NEMF: variants seen among roughly 807,000 people sequenced by gnomAD.
NEMF encodes nuclear export mediator factor, also known as ribosome quality control complex subunit NEMF.
In NEMF, 89 loss-of-function variants were observed where a neutral mutation model predicts 162.2. The ratio of observed to expected loss-of-function variants is 0.55; its 90% CI spans 0.46 to 0.65. The LOEUF is 0.65. NEMF is among the 30% of genes least tolerant of loss of function. The pLI, the probability that NEMF is intolerant of heterozygous loss-of-function variation, is 0.00. For missense variants in NEMF, 1,133 were observed against 1,261.9 expected, an observed-to-expected ratio of 0.90 and a Z score of 1.55; for synonymous variants, 421 against 404.5, an observed-to-expected ratio of 1.04 and a Z score of -0.49.
intron 4 of NEMF, 42 bp downstream of exon 4, chr14:49,846,098 A>G (rs770918433): frequency 1.9e-6 from 3 of 1,576,302 alleles, no homozygotes; most frequent in South Asian, 1.1e-5. Flanking sequence ...AAAATGATTA[A>G]TAAGAAATTT....
intron 4 of NEMF, among the ~76,000 whole-genome samples, chr14:49,843,004 C>CA (rs980191044): frequency 1.3e-5 from 2 of 148,674 alleles, no homozygotes; most frequent in East Asian, 2.0e-4. Flanking sequence ...GACTTATTCT[C>CA]AAAAAAAATT....
In NEMF at chr14:49,829,329, G is replaced by A. The variant is rs1352807842; in HGVS notation, c.1023+20C>T. ...AAGTTAACATTTTTGAAAAAGCACT[G>A]AGAAAGCCAAACATAATACCTGAGC... On this transcript the variant is annotated intron_variant, in intron 12 of 32. Coordinates refer to ENST00000298310, the MANE Select transcript of NEMF (RefSeq NM_004713.6). 3 of 1,613,682 alleles carry A rather than the reference G, an allele frequency of 1.9e-6. No homozygotes were observed. The highest frequency in any genetic ancestry group is 2.7e-5 in the African/African-American group (2 of 74,916).
intron 25 of NEMF, chr14:49,796,365 G>T (rs190192317): frequency 2.2e-6 from 1 of 445,400 alleles, no homozygotes; most frequent in Non-Finnish European, 4.5e-6. Flanking sequence ...AAGAAGGAAG[G>T]GTAAATTTTA....
rs948919480 is a variant in NEMF, at chr14:49,782,755, T to G, written c.*1881A>C. On this transcript the variant is annotated 3_prime_UTR_variant, in exon 33 of 33. Transcript: ENST00000298310. ...TTTGAAGAAAGAAAGAGGGATGTTT[T>G]ATGTAGTTTTTCAAGTGAATGTACT... The G allele has an allele frequency of 6.6e-7, 1 of 1,516,988 alleles. No homozygotes were observed. Among genetic ancestry groups the G allele is most frequent in the African/African-American group, 1.4e-5 (1 of 71,954 alleles). The allele number at this position is 1,516,988 out of a possible 1,614,324, so 94.0% of individuals were successfully genotyped here.
In NEMF at chr14:49,803,528, C is replaced by CT. The variant is rs1221404012; in HGVS notation, c.1858-235dup. 8.9e-3 allele frequency among the ~76,000 whole-genome samples: 1,254 copies of CT among 140,680 alleles called. 16 individuals carry two copies. Among genetic ancestry groups the CT allele is most frequent in the African/African-American group, 0.027 (1,053 of 38,658 alleles). 92.3% of individuals were successfully genotyped at this position (140,680 alleles called of 152,430 possible). On this transcript the variant is annotated intron_variant, in intron 19 of 32. Transcript: ENST00000298310. ...ATCCACTACATCAATAATTTTCTTTCTTTTTTTTTTTTTTTGAGATGAAGT... is the reference window on the plus strand; with the variant it reads ...ATCCACTACATCAATAATTTTCTTTCTTTTTTTTTTTTTTTTGAGATGAAGT...
Position 49,821,155 on chromosome 14 carries a change from C to A in NEMF, c.1577+4712G>T, listed in dbSNP as rs550899149. On this transcript the variant is annotated intron_variant, in intron 16 of 32. Coordinates refer to ENST00000298310, the MANE Select transcript of NEMF (RefSeq NM_004713.6). ...GAGGAGCCCCTCCGCCCGGCTGCCACCCCGTCTGGGAAGTGAGGAGCGTCT... is the reference window on the plus strand; with the variant it reads ...GAGGAGCCCCTCCGCCCGGCTGCCAACCCGTCTGGGAAGTGAGGAGCGTCT... 1.4e-3 allele frequency among the ~76,000 whole-genome samples: 20 copies of A among 14,076 alleles called. 10 individuals are homozygous for A. In the Admixed American group the frequency reaches 0.027, roughly 19 times the overall value. The allele number at this position is 14,076 out of a possible 152,430, so 9.2% of individuals were successfully genotyped here.
chr14:49,809,106 T>C (rs554618327), intron 18 of NEMF, among the ~76,000 whole-genome samples: 2 of 152,338 alleles, frequency 1.3e-5, no homozygotes, highest in African/African-American at 2.4e-5. Context: ...CACTTTAGAA[T>C]AGACAGTCTG....
rs377742066 is a variant in NEMF at position 49,799,504 on chromosome 14, G to A, written c.2436C>T (p.Ser812=). 5.6e-5 allele frequency: 91 copies of A among 1,611,468 alleles called. No homozygotes were observed. The highest frequency in any genetic ancestry group is 7.3e-5 in the Non-Finnish European group (86 of 1,179,382). The change falls in exon 25 of 33, where the codon AGC becomes AGT. Residue 812 remains serine (S), a synonymous_variant. Coordinates refer to ENST00000298310, the MANE Select transcript of NEMF (RefSeq NM_004713.6). ...TTTCCTTGGCTGACAAATGTCTCCG[G>A]CTCTGTGATTTACTGTCACTCTATT... ...SSNSSDSKSQ[S]RRHLSAKERR...
intron 25 of NEMF, chr14:49,796,334 T>C (rs1890690643): frequency 2.2e-6 from 1 of 457,830 alleles, no homozygotes; most frequent in East Asian, 6.9e-5. Context: ...GTTGACTAAA[T>C]GGATTAAAAA....
chr14:49,806,583 T>G (rs946446355), intron 18 of NEMF, among the ~76,000 whole-genome samples: 5 of 151,792 alleles, frequency 3.3e-5, no homozygotes, highest in African/African-American at 7.3e-5. Flanking sequence ...TCTTAAATAC[T>G]AATACATTTT....
chr14:49,785,361 G>A lies in NEMF; in HGVS notation c.2929-41C>T, dbSNP rs756443560. On this transcript the variant is annotated intron_variant, in intron 29 of 32. Coordinates refer to ENST00000298310, the MANE Select transcript of NEMF (RefSeq NM_004713.6). ...AACAGTTACAAAGGCAATTTATACC[G>A]CCCTTTACAAAAAATGCTAAAACAC... The A allele has an allele frequency of 1.6e-5, 22 of 1,378,146 alleles. No individual in the cohort carries two copies. In the Admixed American group the frequency reaches 2.0e-4, roughly 13 times the overall value. The allele number at this position is 1,378,146 out of a possible 1,614,324, so 85.4% of individuals were successfully genotyped here. A position where few individuals can be genotyped will look rare whatever the true frequency, so the allele number is the denominator to read the frequency against.
Position 49,851,891 on chromosome 14 carries a change from A to T in NEMF, c.60-16T>A. 6.7e-7 allele frequency: 1 copy of T among 1,489,968 alleles called. No homozygotes were observed. Among genetic ancestry groups the T allele is most frequent in the Non-Finnish European group, 9.2e-7 (1 of 1,084,714 alleles). The allele number at this position is 1,489,968 out of a possible 1,614,324, so 92.3% of individuals were successfully genotyped here. A position where few individuals can be genotyped will look rare whatever the true frequency, so the allele number is the denominator to read the frequency against. On this transcript the variant is annotated splice_polypyrimidine_tract_variant and intron_variant, in intron 1 of 32. Transcript: ENST00000298310. ...TCCTAGCAAGCTGCAAAGATAAAGG[A>T]AACATGTAACATGTTACACTATTGT...
chr14:49,793,941 A>G (rs144000570), intron 26 of NEMF, among the ~76,000 whole-genome samples: 43 of 151,698 alleles, frequency 2.8e-4, no homozygotes, highest in African/African-American at 9.9e-4. Context: ...TTTGTTTTTT[A>G]ATTTTACTGG....
intron 15 of NEMF, among the ~76,000 whole-genome samples, chr14:49,826,446 C>CA (rs1892349276): frequency 7.0e-6 from 1 of 142,968 alleles, no homozygotes; most frequent in South Asian, 2.2e-4. Context: ...GGGTTATGGT[C>CA]AAAGAAGGTA....
chr14:49,832,067 A>G lies in NEMF; in HGVS notation c.866T>C (p.Phe289Ser), dbSNP rs765446304. ...SQHSQCPYIE[F>S]ESFDKAVDEF... ...AAAACCCACCTTGTCAAATGATTCA[A>G]ATTCTATATATGGACATTGTGAATG... is the stretch of plus-strand genomic sequence containing the variant. Residue 289 changes from phenylalanine (F) to serine (S), a missense_variant, in exon 10 of 33, where the codon TTT (phenylalanine) becomes TCT (serine). Transcript: ENST00000298310. The G allele has an allele frequency of 1.9e-6, 3 of 1,601,518 alleles. No homozygotes were observed. Among genetic ancestry groups the G allele is most frequent in the South Asian group, 1.1e-5 (1 of 88,354 alleles).
chr14:49,818,084 CTTTTTT>C (rs983729819), intron 16 of NEMF, among the ~76,000 whole-genome samples: 1 of 132,348 alleles, frequency 7.6e-6, no homozygotes, highest in African/African-American at 2.8e-5. Flanking sequence ...AGTGATGAGA[CTTTTTT>C]TTTTTTTTTT....
intron 18 of NEMF, among the ~76,000 whole-genome samples, chr14:49,808,721 C>T (rs1891335325): frequency 6.7e-6 from 1 of 150,282 alleles, no homozygotes; most frequent in Non-Finnish European, 1.5e-5. Context: ...TCTAGTAGTG[C>T]CATACTACCG....
intron 28 of NEMF, chr14:49,787,018 C>T (rs1402682617): frequency 2.9e-6 from 1 of 348,768 alleles, no homozygotes; most frequent in Non-Finnish European, 5.2e-6. Flanking sequence ...GGAACTGAAA[C>T]TTTCATATAA....
At chr14:49,817,119 T>C (rs1404055150) in intron 16 of NEMF, among the ~76,000 whole-genome samples, 3 of 152,082 alleles carry the variant, frequency 2.0e-5, no homozygotes, top group African/African-American at 7.2e-5. Flanking sequence ...TCCTTTAAAA[T>C]ATAAGGATGG....
Sources: gnomAD v4.1 joint callset for allele counts (sites outside exome capture counted in the v4.1 genomes callset) on GRCh38, gnomAD v4.1.1 for gene constraint, MANE v1.5 for transcripts, NCBI Gene and HGNC (gene_info 2026-07-23, HGNC 2026-07-21) for gene names.